ATP10B: variants seen among roughly 807,000 people sequenced by gnomAD.
The protein encoded by ATP10B is phospholipid-transporting ATPase VB.
A neutral mutation model predicts 141.2 loss-of-function variants in ATP10B; 122 were observed. The ratio of observed to expected loss-of-function variants is 0.86; its 90% CI spans 0.75 to 1.00. The LOEUF (loss-of-function observed/expected upper bound fraction) is 1.00, where lower values mean the gene tolerates loss of function less well. Among genes scored for constraint, ATP10B ranks in the 50% least tolerant of loss-of-function variants. ATP10B has a pLI of 0.00. For missense variants in ATP10B, 1,876 were observed against 1,825.3 expected (o/e 1.03, Z -0.51); for synonymous variants, 685 against 692.0 (o/e 0.99, Z 0.16).
At position 160,569,596 on chromosome 5, in the gene ATP10B, TGCAGATGACGCAGGTG is replaced by T. The variant is rs1468238264; in HGVS notation, c.3822_3837del (p.Cys1276AlafsTer8). 2.5e-6 allele frequency: 4 copies of T among 1,613,734 alleles called. No individual in the cohort carries two copies. In the Admixed American group the frequency reaches 6.7e-5, roughly 27 times the overall value. On this transcript the variant is annotated frameshift_variant, in exon 25 of 26. Transcript: ENST00000327245. LOFTEE classifies it high-confidence loss of function. ...ACCCAATAGGGATTGGTGGGGCTGT[TGCAGATGACGCAGGTG>T]GCATTGTACAGGAGGGATACCAGAA...
intron 1 of ATP10B, among the ~76,000 whole-genome samples, chr5:160,813,135 T>C (rs895477637): frequency 1.3e-5 from 2 of 152,156 alleles, no homozygotes; most frequent in South Asian, 2.1e-4. Flanking sequence ...AGAAAGTGGA[T>C]GCAGGACAGT....
chr5:160,799,851 G>A (rs980346240), intron 1 of ATP10B, among the ~76,000 whole-genome samples: 2 of 152,170 alleles, frequency 1.3e-5, no homozygotes, highest in Non-Finnish European at 2.9e-5. Flanking sequence ...CCTTAAAATT[G>A]ATGGATTCAC....
At chr5:160,708,581 A>C (rs916800830) in intron 3 of ATP10B, among the ~76,000 whole-genome samples, 2 of 152,194 alleles carry the variant, frequency 1.3e-5, no homozygotes, top group African/African-American at 2.4e-5. Context: ...TTTGCTGTCC[A>C]GCAGTGTGGG....
At chr5:160,664,360 G>A (rs552598639) in intron 7 of ATP10B, among the ~76,000 whole-genome samples, 1 of 152,296 alleles carries the variant, frequency 6.6e-6, no homozygotes, top group East Asian at 1.9e-4. Flanking sequence ...GCTCCTCTAA[G>A]TACCTTAAAA....
At chr5:160,607,182 C>T (rs1757444280) in intron 18 of ATP10B, 96 bp from the exon 19 acceptor site, 1 of 1,000,628 alleles carries the variant, frequency 1.0e-6, no homozygotes, top group Non-Finnish European at 1.5e-6. Context: ...TCATAAAACT[C>T]TACTACCATA....
intron 3 of ATP10B, among the ~76,000 whole-genome samples, chr5:160,715,937 C>T (rs910634133): frequency 1.3e-5 from 2 of 152,066 alleles, no homozygotes; most frequent in African/African-American, 4.8e-5. Flanking sequence ...TCTTGAACTC[C>T]TGACCTCGTG....
the ATP10B span, among the ~76,000 whole-genome samples, chr5:160,880,772 A>G: frequency 2.0e-4 from 30 of 152,334 alleles, no homozygotes; most frequent in East Asian, 5.0e-3. Context: ...CAGATCTTAC[A>G]TCTTTCACAA....
At chr5:160,814,648 C>T (rs549539315) in intron 1 of ATP10B, among the ~76,000 whole-genome samples, 7 of 152,176 alleles carry the variant, frequency 4.6e-5, no homozygotes, top group Non-Finnish European at 1.0e-4. Context: ...CACAAAGATA[C>T]TCCACGAGAA....
At chr5:160,647,394 C>T (rs1028639013) in intron 8 of ATP10B, among the ~76,000 whole-genome samples, 1 of 152,132 alleles carries the variant, frequency 6.6e-6, no homozygotes, top group African/African-American at 2.4e-5. Context: ...ACTCCGCAGT[C>T]CAACTGGACT....
the ATP10B span, among the ~76,000 whole-genome samples, chr5:160,863,879 C>T: frequency 1.3e-5 from 2 of 151,966 alleles, no homozygotes; most frequent in South Asian, 2.1e-4. Flanking sequence ...ATATGCAACC[C>T]TCCTAGATTA....
the ATP10B span, among the ~76,000 whole-genome samples, chr5:160,896,860 C>T: frequency 6.6e-6 from 1 of 152,326 alleles, no homozygotes; most frequent in South Asian, 2.1e-4. Flanking sequence ...AAGTTGGCTT[C>T]ATCCCTGGGA....
At chr5:160,706,025 A>G (rs1764992133) in intron 3 of ATP10B, among the ~76,000 whole-genome samples, 1 of 152,126 alleles carries the variant, frequency 6.6e-6, no homozygotes, top group Admixed American at 6.5e-5. Flanking sequence ...AGAGGGAGAG[A>G]GATGGGGGAA....
chr5:160,655,057 A>G (rs903526508), intron 7 of ATP10B, among the ~76,000 whole-genome samples: 10 of 152,066 alleles, frequency 6.6e-5, no homozygotes, highest in Non-Finnish European at 2.9e-5. Context: ...TCTTGGCCCT[A>G]TTTCTTTTCT....
Position 160,818,755 on chromosome 5 carries a change from C to T in ATP10B, c.-575-32952G>A, listed in dbSNP as rs1416661969. Among the ~76,000 whole-genome samples the T allele has an allele frequency of 1.1e-4, 16 of 152,088 alleles. 1 individual carries two copies. The highest frequency in any genetic ancestry group is 9.8e-4 in the Admixed American group (15 of 15,250). The stretch of plus-strand genomic sequence containing the variant: ...CAAAGACTTGGAACCAACCCAAATG[C>T]CCAACAATGATAGACTGGATTAAGA... On this transcript the variant is annotated intron_variant, in intron 1 of 25. Coordinates refer to ENST00000327245, the MANE Select transcript of ATP10B (RefSeq NM_025153.3).
intron 6 of ATP10B, among the ~76,000 whole-genome samples, chr5:160,670,921 C>G (rs1448203385): frequency 6.6e-6 from 1 of 152,028 alleles, no homozygotes; most frequent in Non-Finnish European, 1.5e-5. Context: ...AATCCCAGCA[C>G]TTTGGGAGGC....
chr5:160,789,105 T>C (rs1287037800), intron 1 of ATP10B, among the ~76,000 whole-genome samples: 5 of 152,106 alleles, frequency 3.3e-5, no homozygotes, highest in African/African-American at 1.2e-4. Context: ...ACACACCTCA[T>C]GTACATGCAC....
At chr5:160,914,167 T>A in the ATP10B span, among the ~76,000 whole-genome samples, 33 of 152,300 alleles carry the variant, frequency 2.2e-4, no homozygotes, top group African/African-American at 7.9e-4. Context: ...ATTGAACAGG[T>A]TTTTTTATGT....
At chr5:160,802,269 CT>C (rs1365551529) in intron 1 of ATP10B, among the ~76,000 whole-genome samples, 10 of 152,208 alleles carry the variant, frequency 6.6e-5, no homozygotes, top group Non-Finnish European at 2.9e-5. Flanking sequence ...GGGCTAAGGG[CT>C]TCCTGATTTG....
chr5:160,876,632 C>G, the ATP10B span, among the ~76,000 whole-genome samples: 1 of 151,904 alleles, frequency 6.6e-6, no homozygotes, highest in Non-Finnish European at 1.5e-5. Context: ...AATTGATAGA[C>G]TGCTAGCAAG....
Sources: gnomAD v4.1 joint callset for allele counts (sites outside exome capture counted in the v4.1 genomes callset) on GRCh38, gnomAD v4.1.1 for gene constraint, MANE v1.5 for transcripts, NCBI Gene and HGNC (gene_info 2026-07-23, HGNC 2026-07-21) for gene names.